The following WNT9B variants were observed in gnomAD, a reference collection of about 807,000 sequenced individuals.
WNT9B encodes Wnt family member 9B, also known as protein Wnt-9b.
In WNT9B, 12 loss-of-function variants were observed where a neutral mutation model predicts 30.2. The observed-to-expected ratio is 0.40, with a 90% CI of 0.26 to 0.64. The LOEUF is 0.64. Among genes scored for constraint, WNT9B ranks in the 30% least tolerant of loss-of-function variants. The pLI is 0.42. For missense variants in WNT9B, 442 were observed against 485.2 expected, an observed-to-expected ratio of 0.91 and a Z score of 0.84; for synonymous variants, 218 against 216.9, an observed-to-expected ratio of 1.01 and a Z score of -0.05.
chr17:46,834,940 G>A (rs893579261), intron 1 of WNT9B, among the ~76,000 whole-genome samples: 3 of 152,164 alleles, frequency 2.0e-5, no homozygotes, highest in Admixed American at 2.0e-4. Context: ...CCCCCAGGCA[G>A]CATCAAACTC....
intron 1 of WNT9B, among the ~76,000 whole-genome samples, chr17:46,853,706 T>C (rs1356782455): frequency 1.3e-5 from 2 of 152,142 alleles, no homozygotes; most frequent in Non-Finnish European, 2.9e-5. Flanking sequence ...AGAATCTTGA[T>C]GTCCTGGCCC....
chr17:46,870,235 C>T (rs1375685774), intron 1 of WNT9B, among the ~76,000 whole-genome samples: 1 of 152,182 alleles, frequency 6.6e-6, no homozygotes, highest in African/African-American at 2.4e-5. Context: ...TCGCCACTCA[C>T]ACCAGCCCTC....
In WNT9B at chr17:46,869,961, T is replaced by C. The variant is rs7219276; in HGVS notation, c.78-2556T>C. On this transcript the variant is annotated intron_variant, in intron 1 of 3. Transcript: ENST00000290015. ...TTACAGTGAGCTGAGATCACACCAC[T>C]GCACTCTAGCCTGGACCACATAGCA... 1.6e-3 allele frequency among the ~76,000 whole-genome samples: 246 copies of C among 151,986 alleles called. 1 individual carries two copies. Among genetic ancestry groups the C allele is most frequent in the African/African-American group, 5.8e-3 (241 of 41,440 alleles).
chr17:46,855,600 A>T (rs2084925426), intron 1 of WNT9B, among the ~76,000 whole-genome samples: 1 of 152,210 alleles, frequency 6.6e-6, no homozygotes, highest in Non-Finnish European at 1.5e-5. Context: ...ATGCCTAGGA[A>T]TTCCACAAAT....
Position 46,878,075 on chromosome 17 carries a change from CT to C in WNT9B, c.*1358del, listed in dbSNP as rs1397053391. Among the ~76,000 whole-genome samples the C allele has an allele frequency of 1.3e-5, 2 of 152,348 alleles. No homozygotes were observed. The highest frequency in any genetic ancestry group is 3.9e-4 in the East Asian group (2 of 5,182). ...AGCCCCTGGACCAGGCTGGGGGTTC[CT>C]GTTGCACATGCCTCTCTTGTTCAGG... On this transcript the variant is annotated 3_prime_UTR_variant, in exon 4 of 4. Coordinates refer to ENST00000290015, the MANE Select transcript of WNT9B (RefSeq NM_003396.3).
At chr17:46,858,974 T>G (rs542162811) in intron 1 of WNT9B, among the ~76,000 whole-genome samples, 3 of 148,682 alleles carry the variant, frequency 2.0e-5, no homozygotes, top group Admixed American at 6.8e-5. Flanking sequence ...ACTTATAATT[T>G]TAGCTTTTTT....
At chr17:46,866,894 G>C (rs1051666422) in intron 1 of WNT9B, among the ~76,000 whole-genome samples, 1 of 152,152 alleles carries the variant, frequency 6.6e-6, no homozygotes, top group Admixed American at 6.5e-5. Context: ...GGTCCTCTTA[G>C]GTGATGAGAA....
intron 1 of WNT9B, among the ~76,000 whole-genome samples, chr17:46,855,984 C>A (rs1400548928): frequency 1.3e-5 from 2 of 152,170 alleles, no homozygotes; most frequent in Non-Finnish European, 2.9e-5. Context: ...CCACCATGCC[C>A]GGCCCCCAGT....
chr17:46,872,789 A>C lies in WNT9B; in HGVS notation c.334+16A>C. ...CTCAAGAGAGGTGGGGAGGAGGGCT[A>C]GGGGACGGGGAGGGCTGGGGGAAGA... On this transcript the variant is annotated intron_variant, in intron 2 of 3. Transcript: ENST00000290015. The C allele has an allele frequency of 1.1e-5, 13 of 1,148,322 alleles. No individual in the cohort carries two copies. Among genetic ancestry groups the C allele is most frequent in the Non-Finnish European group, 1.5e-5 (12 of 813,946 alleles). The allele number at this position is 1,148,322 out of a possible 1,614,324, so 71.1% of individuals were successfully genotyped here.
chr17:46,882,393 C>T (rs2085434901), downstream of WNT9B, among the ~76,000 whole-genome samples: 2 of 152,190 alleles, frequency 1.3e-5, no homozygotes, highest in Non-Finnish European at 2.9e-5. Context: ...TCAGGTTAAA[C>T]ATTTTGGCAA....
chr17:46,840,624 T>A (rs1453817352), intron 1 of WNT9B, among the ~76,000 whole-genome samples: 1 of 152,252 alleles, frequency 6.6e-6, no homozygotes, highest in Non-Finnish European at 1.5e-5. Context: ...ACCAACAGTG[T>A]AAAAGTGTTC....
At chr17:46,884,337 C>T (rs2085463194), downstream of WNT9B, among the ~76,000 whole-genome samples, 2 of 152,266 alleles carry the variant, frequency 1.3e-5, no homozygotes, top group South Asian at 4.1e-4. Flanking sequence ...CGGGAGATGT[C>T]AGAGCTGCGC....
chr17:46,859,022 G>A (rs1568122867), intron 1 of WNT9B, among the ~76,000 whole-genome samples: 1 of 148,812 alleles, frequency 6.7e-6, no homozygotes, highest in Non-Finnish European at 1.5e-5. Context: ...TGTTACCCAG[G>A]CTGGAGTGCA....
intron 1 of WNT9B, among the ~76,000 whole-genome samples, chr17:46,869,782 T>C (rs1333951652): frequency 6.6e-6 from 1 of 152,084 alleles, no homozygotes; most frequent in Non-Finnish European, 1.5e-5. Context: ...GCAGGTCACT[T>C]GAAGTCAGGA....
intron 1 of WNT9B, among the ~76,000 whole-genome samples, chr17:46,871,543 G>C (rs959747214): frequency 6.6e-6 from 1 of 152,162 alleles, no homozygotes; most frequent in Non-Finnish European, 1.5e-5. Flanking sequence ...AGTTTGGGAA[G>C]CTCCAGCTAG....
intron 1 of WNT9B, among the ~76,000 whole-genome samples, chr17:46,852,389 AGTGTGTGTGT>A (rs61138160): frequency 0.014 from 1,458 of 105,362 alleles, 20 homozygotes; most frequent in East Asian, 0.031. Context: ...GAGAGGGCCC[AGTGTGTGTGT>A]GTGTGTGTGT....
At chr17:46,885,007 A>G (rs771143821), downstream of WNT9B, 6 of 428,260 alleles carry the variant, frequency 1.4e-5, no homozygotes, top group South Asian at 1.0e-4. Context: ...TTTTTTTTTT[A>G]GACGAAGTCT....
chr17:46,870,991 G>T (rs1027086717), intron 1 of WNT9B, among the ~76,000 whole-genome samples: 2 of 142,358 alleles, frequency 1.4e-5, no homozygotes, highest in Non-Finnish European at 3.0e-5. Flanking sequence ...GCTCACTGCA[G>T]CCTCCACCTC....
intron 2 of WNT9B, chr17:46,874,841 G>C: frequency 1.7e-6 from 1 of 605,270 alleles, no homozygotes; most frequent in East Asian, 2.8e-5. Flanking sequence ...GCCTCCTAAA[G>C]TGCTGGGATT....
Sources: allele counts gnomAD v4.1 joint callset (sites outside exome capture counted in the v4.1 genomes callset), GRCh38; gene constraint gnomAD v4.1.1; transcripts MANE v1.5; gene names NCBI Gene and HGNC (gene_info 2026-07-23, HGNC 2026-07-21).